The following PPP2R3A variants were observed in gnomAD, a reference collection of about 807,000 sequenced individuals.
The protein encoded by PPP2R3A is protein phosphatase 2 regulatory subunit B''alpha.
PPP2R3A carries 80 observed loss-of-function variants against 106.9 expected under a neutral mutation model. That is an observed-to-expected ratio of 0.75 (90% CI 0.62 to 0.90). The LOEUF is 0.90. Ranked by LOEUF, PPP2R3A falls within the 40% of genes least tolerant of loss-of-function variation. The pLI, the probability that PPP2R3A is intolerant of heterozygous loss-of-function variation, is 0.00. For missense variants in PPP2R3A, 1,386 were observed against 1,350.4 expected, an observed-to-expected ratio of 1.03 and a Z score of -0.41; for synonymous variants, 483 against 468.3, an observed-to-expected ratio of 1.03 and a Z score of -0.41.
intron 13 of PPP2R3A, chr3:136,106,644 G>C: frequency 3.7e-6 from 1 of 268,690 alleles, no homozygotes. Flanking sequence ...AGCTCTGGCC[G>C]GGCACGGTGG....
At chr3:136,059,633 A>G (rs1576470467) in intron 5 of PPP2R3A, among the ~76,000 whole-genome samples, 1 of 152,258 alleles carries the variant, frequency 6.6e-6, no homozygotes, top group South Asian at 2.1e-4. Context: ...CTGGGTATGT[A>G]TACAAAGGAA....
rs770289875 is a variant in PPP2R3A, at chr3:136,002,510, G to GT, written c.1013dup (p.Gln339ProfsTer6). ...ACAACCCCCTAAATATGAAGATGTT[G>GT]TCCAGCTCTCAGCTTCTGACTCTGG... On this transcript the variant is annotated frameshift_variant, in exon 2 of 14. Coordinates refer to ENST00000264977, the MANE Select transcript of PPP2R3A (RefSeq NM_002718.5). LOFTEE classifies it high-confidence loss of function. The GT allele has an allele frequency of 5.6e-6, 9 of 1,614,082 alleles. No homozygotes were observed. The highest frequency in any genetic ancestry group is 6.8e-6 in the Non-Finnish European group (8 of 1,179,962).
chr3:136,072,251 A>ATGTACTGAGTAC (rs1426331953), intron 6 of PPP2R3A, among the ~76,000 whole-genome samples: 1 of 152,178 alleles, frequency 6.6e-6, no homozygotes, highest in East Asian at 1.9e-4. Flanking sequence ...CCTGGCATAT[A>ATGTACTGAGTAC]ATAGACAGTC....
rs141157687 is a variant in PPP2R3A, at chr3:136,143,326, T to C, written c.3330-1717T>C. Among the ~76,000 whole-genome samples, 240 of 152,100 alleles carry C rather than the reference T, an allele frequency of 1.6e-3. 2 individuals carry two copies. Among genetic ancestry groups the C allele is most frequent in the Admixed American group, 4.7e-3 (72 of 15,264 alleles). ...CAACATGGCGAAACCCTGTTGCTAC[T>C]AAGAAAACACAAAAACCAGCCAGGA... On this transcript the variant is annotated intron_variant, in intron 13 of 13. Transcript: ENST00000264977.
intron 9 of PPP2R3A, among the ~76,000 whole-genome samples, chr3:136,089,780 C>G (rs957353682): frequency 6.6e-6 from 1 of 152,034 alleles, no homozygotes; most frequent in South Asian, 2.1e-4. Flanking sequence ...TGATTTCTTT[C>G]AGCAGAGTGT....
chr3:136,135,104 GA>G (rs1938558934), intron 13 of PPP2R3A, among the ~76,000 whole-genome samples: 1 of 151,684 alleles, frequency 6.6e-6, no homozygotes, highest in African/African-American at 2.4e-5. Flanking sequence ...GTGGAAGGAA[GA>G]AAGAGGAGGC....
intron 2 of PPP2R3A, among the ~76,000 whole-genome samples, chr3:136,014,382 C>T (rs1403414393): frequency 6.6e-6 from 1 of 152,070 alleles, no homozygotes; most frequent in African/African-American, 2.4e-5. Flanking sequence ...ACTGGAATTG[C>T]ATTGAATATG....
intron 5 of PPP2R3A, among the ~76,000 whole-genome samples, 171 bp downstream of exon 5, chr3:136,049,532 C>CTCGTTAAATGAAATA: frequency 6.6e-6 from 1 of 152,104 alleles, no homozygotes; most frequent in African/African-American, 2.4e-5. Flanking sequence ...TAAATGAAAT[C>CTCGTTAAATGAAATA]TCGTTAAATG....
chr3:136,049,394 A>C, intron 5 of PPP2R3A, 33 bp downstream of exon 5: 1 of 1,500,080 alleles, frequency 6.7e-7, no homozygotes, highest in Middle Eastern at 1.7e-4. Context: ...AATGGGTTCT[A>C]ATTTTGGAGT....
chr3:136,078,930 A>G (rs1576485679), intron 7 of PPP2R3A, among the ~76,000 whole-genome samples: 3 of 152,340 alleles, frequency 2.0e-5, no homozygotes, highest in Admixed American at 2.0e-4. Flanking sequence ...TATTTTATTC[A>G]TATTACCAAA....
intron 1 of PPP2R3A, among the ~76,000 whole-genome samples, chr3:135,992,231 C>T (rs1443617065): frequency 1.3e-5 from 2 of 152,090 alleles, no homozygotes; most frequent in Non-Finnish European, 2.9e-5. Flanking sequence ...CCTATGTTTT[C>T]CAGGCAAAGT....
chr3:135,968,227 A>G (rs1174552092), intron 1 of PPP2R3A, among the ~76,000 whole-genome samples: 4 of 152,214 alleles, frequency 2.6e-5, no homozygotes, highest in Non-Finnish European at 4.4e-5. Flanking sequence ...CCTGGACCTT[A>G]TAGTCTAAGG....
chr3:136,107,428 ATTC>A (rs372608123), intron 13 of PPP2R3A, among the ~76,000 whole-genome samples: 4 of 135,908 alleles, frequency 2.9e-5, no homozygotes, highest in African/African-American at 5.5e-5. Context: ...AGATACATGA[ATTC>A]TTTTTTTTTT....
At position 136,040,962 on chromosome 3, in the gene PPP2R3A, A is replaced by G; in HGVS notation, c.2366A>G (p.Lys789Arg). 1 of 1,612,408 alleles carries G rather than the reference A, an allele frequency of 6.2e-7. No homozygotes were observed. The highest frequency in any genetic ancestry group is 1.1e-5 in the South Asian group (1 of 90,672). The change falls in exon 4 of 14, where the codon AAG becomes AGG. Residue 789 changes from lysine to arginine, a missense_variant and splice_region_variant. Physicochemically the swap from Lys to Arg is conservative, Grantham distance 26 (BLOSUM62 2). Coordinates refer to ENST00000264977, the MANE Select transcript of PPP2R3A (RefSeq NM_002718.5). ...TAQSFIAMWR[K>R]LLNNHHDDAS... ...CAGTCATTCATTGCCATGTGGAGAA[A>G]GTAAGTATGTGAGCAGTCTCTCTGG...
At chr3:136,130,374 C>G (rs1938363825) in intron 13 of PPP2R3A, among the ~76,000 whole-genome samples, 1 of 152,078 alleles carries the variant, frequency 6.6e-6, no homozygotes, top group Non-Finnish European at 1.5e-5. Flanking sequence ...CTACCAATAA[C>G]AAACAGCCAA....
Position 136,055,554 on chromosome 3 carries a change from C to G in PPP2R3A, c.2469+6193C>G, listed in dbSNP as rs114875960. On this transcript the variant is annotated intron_variant, in intron 5 of 13. Coordinates refer to ENST00000264977, the MANE Select transcript of PPP2R3A (RefSeq NM_002718.5). Reference sequence around the variant, plus strand: ...CTCTGCATTCACTGACCATGCTGCTCAAATCTTCACAGAGCGGGTCTTTCT... The same window carrying G: ...CTCTGCATTCACTGACCATGCTGCTGAAATCTTCACAGAGCGGGTCTTTCT... 3,892 of 1,372,150 alleles carry G rather than the reference C, an allele frequency of 2.8e-3. 65 individuals carry two copies. In the African/African-American group the frequency reaches 0.043, roughly 15 times the overall value. The allele number at this position is 1,372,150 out of a possible 1,614,324, so 85.0% of individuals were successfully genotyped here.
At chr3:135,992,265 A>T (rs1365524352) in intron 1 of PPP2R3A, among the ~76,000 whole-genome samples, 2 of 152,112 alleles carry the variant, frequency 1.3e-5, no homozygotes, top group African/African-American at 4.8e-5. Flanking sequence ...TTTCTAAATG[A>T]CTCATTACTT....
intron 3 of PPP2R3A, among the ~76,000 whole-genome samples, chr3:136,039,508 C>G (rs914470355): frequency 6.6e-6 from 1 of 152,156 alleles, no homozygotes; most frequent in Admixed American, 6.5e-5. Flanking sequence ...TGAAACTGTT[C>G]TGCCTCAGAT....
intron 9 of PPP2R3A, among the ~76,000 whole-genome samples, chr3:136,088,176 T>C (rs1937005549): frequency 6.6e-6 from 1 of 152,096 alleles, no homozygotes; most frequent in South Asian, 2.1e-4. Flanking sequence ...TGAGATTTGG[T>C]GTATGGAGGA....
Sources: gnomAD v4.1 joint callset for allele counts (sites outside exome capture counted in the v4.1 genomes callset) on GRCh38, gnomAD v4.1.1 for gene constraint, MANE v1.5 for transcripts, NCBI Gene and HGNC (gene_info 2026-07-23, HGNC 2026-07-21) for gene names.